The following TMEM164 variants were observed in gnomAD, a reference collection of about 807,000 sequenced individuals.
The protein encoded by TMEM164 is transmembrane protein 164, also known as RP13-360B22.2.
In TMEM164, 4 loss-of-function variants were observed where a neutral mutation model predicts 18.8. The observed-to-expected ratio is 0.21, with a 90% CI of 0.10 to 0.49. The LOEUF (loss-of-function observed/expected upper bound fraction) is 0.49. Among genes scored for constraint, TMEM164 ranks in the 20% least tolerant of loss-of-function variants. The pLI, the probability that TMEM164 is intolerant of heterozygous loss-of-function variation, is 0.98. For missense variants in TMEM164, 108 were observed against 239.9 expected, an observed-to-expected ratio of 0.45 and a Z score of 3.63; for synonymous variants, 86 against 101.7, an observed-to-expected ratio of 0.85 and a Z score of 0.93.
At chrX:110,079,426 A>G (rs1341195409) in intron 3 of TMEM164, among the ~76,000 whole-genome samples, 1 of 112,163 alleles carries the variant, frequency 8.9e-6, no homozygotes, top group Non-Finnish European at 1.9e-5. Flanking sequence ...TTTTGCTTTG[A>G]CCGGACCACT....
intron 3 of TMEM164, among the ~76,000 whole-genome samples, chrX:110,102,186 C>A (rs1436149628): frequency 1.2e-4 from 12 of 104,271 alleles, no homozygotes; most frequent in Non-Finnish European, 2.2e-4. Flanking sequence ...AAAAAAAAAA[C>A]CAACACACCA....
chrX:110,064,042 C>T (rs1046048672), intron 2 of TMEM164, among the ~76,000 whole-genome samples: 1 of 111,338 alleles, frequency 9.0e-6, no homozygotes, highest in Non-Finnish European at 1.9e-5. Flanking sequence ...ACCTTTTCCC[C>T]TCAGTTTCCT....
chrX:110,095,503 TTCTCA>T (rs960818629), intron 3 of TMEM164, among the ~76,000 whole-genome samples: 2 of 112,359 alleles, frequency 1.8e-5, no homozygotes, highest in African/African-American at 6.5e-5. Context: ...TGTCACCTAG[TTCTCA>T]TGTCATGGTT....
intron 3 of TMEM164, among the ~76,000 whole-genome samples, chrX:110,101,754 A>T (rs2066114521): frequency 9.3e-6 from 1 of 107,448 alleles, no homozygotes; most frequent in South Asian, 4.2e-4. Context: ...TAATTTTTTA[A>T]ATTTTTTTTG....
intron 2 of TMEM164, among the ~76,000 whole-genome samples, chrX:110,051,298 G>A (rs1935543052): frequency 9.0e-6 from 1 of 111,359 alleles, no homozygotes; most frequent in Non-Finnish European, 1.9e-5. Flanking sequence ...AGTTGAGTAG[G>A]CATCTTGAGG....
intron 3 of TMEM164, among the ~76,000 whole-genome samples, chrX:110,079,246 C>T (rs890702448): frequency 3.6e-4 from 40 of 111,492 alleles, no homozygotes; most frequent in South Asian, 3.4e-3. Flanking sequence ...AAGTATTCCC[C>T]GGTGAAGCTT....
chrX:110,046,944 C>G (rs1935339386), intron 2 of TMEM164, among the ~76,000 whole-genome samples: 1 of 112,102 alleles, frequency 8.9e-6, no homozygotes. Flanking sequence ...AGGAAAAATG[C>G]TAATTCCTGG....
At chrX:110,147,620 A>G (rs2066876370) in intron 5 of TMEM164, among the ~76,000 whole-genome samples, 1 of 109,296 alleles carries the variant, frequency 9.1e-6, no homozygotes, top group Non-Finnish European at 1.9e-5. Flanking sequence ...TTTTTTTTTC[A>G]TCACCACCAT....
chrX:110,103,136 G>A (rs2147954823), intron 3 of TMEM164, among the ~76,000 whole-genome samples: 1 of 112,639 alleles, frequency 8.9e-6, no homozygotes, highest in South Asian at 3.6e-4. Context: ...GGAAATATTT[G>A]TGTCAGTAAT....
chrX:110,124,184 A>AGGCAGGC (rs1569339696), intron 4 of TMEM164, among the ~76,000 whole-genome samples: 4 of 49,056 alleles, frequency 8.2e-5, no homozygotes, highest in African/African-American at 3.0e-4. Flanking sequence ...GGAAGGCAGG[A>AGGCAGGC]AGGCAGGCAG....
chrX:110,157,959 T>G (rs929170485), intron 5 of TMEM164, among the ~76,000 whole-genome samples: 3 of 111,824 alleles, frequency 2.7e-5, no homozygotes, highest in African/African-American at 9.8e-5. Flanking sequence ...AGATCTTGGC[T>G]CACTGCAACC....
rs762984508 is a variant in TMEM164 at position 110,044,030 on chromosome X, G to A, written c.391-23317G>A. ...CTATTTTGAAGAAGTGATGATAGGT[G>A]GCACATGGGACAAAAAGGTTGAAAA... On this transcript the variant is annotated intron_variant, in intron 2 of 6. Coordinates refer to ENST00000372068, the MANE Select transcript of TMEM164 (RefSeq NM_032227.4). 6.2e-5 allele frequency among the ~76,000 whole-genome samples: 7 copies of A among 112,176 alleles called. No homozygotes were observed. The East Asian group carries it at 2.0e-3, about 31-fold the overall frequency.
chrX:110,085,458 C>T (rs2065838779), intron 3 of TMEM164, among the ~76,000 whole-genome samples: 1 of 110,287 alleles, frequency 9.1e-6, no homozygotes. Flanking sequence ...AGCCACCATG[C>T]CTGGTCAGGT....
intron 2 of TMEM164, among the ~76,000 whole-genome samples, chrX:110,044,790 T>C (rs1004870581): frequency 9.2e-6 from 1 of 108,109 alleles, no homozygotes; most frequent in Non-Finnish European, 1.9e-5. Flanking sequence ...GTTTCTTTGT[T>C]TTCTCCTCTG....
At position 110,119,941 on chromosome X, in the gene TMEM164, T is replaced by A. The variant is rs757926956; in HGVS notation, c.507+10795T>A. Reference sequence around the variant, plus strand: ...CTGCATTAGCCTTGCTGAGTGAGATTAAAATTCCCAGGCAGGCTTTCCTAT... The same window carrying A: ...CTGCATTAGCCTTGCTGAGTGAGATAAAAATTCCCAGGCAGGCTTTCCTAT... On this transcript the variant is annotated intron_variant, in intron 4 of 6. Coordinates refer to ENST00000372068, the MANE Select transcript of TMEM164 (RefSeq NM_032227.4). Among the ~76,000 whole-genome samples the A allele has an allele frequency of 2.6e-4, 29 of 111,973 alleles. No homozygotes were observed. In the South Asian group the frequency reaches 5.2e-3, roughly 20 times the overall value.
intron 5 of TMEM164, among the ~76,000 whole-genome samples, chrX:110,159,103 G>A (rs1369263624): frequency 8.9e-6 from 1 of 111,864 alleles, no homozygotes; most frequent in Non-Finnish European, 1.9e-5. Context: ...CTAATAAAAT[G>A]TGGTTTGAGC....
intron 2 of TMEM164, among the ~76,000 whole-genome samples, chrX:110,066,950 TAA>T (rs1233112947): frequency 8.9e-6 from 1 of 112,002 alleles, no homozygotes; most frequent in Non-Finnish European, 1.9e-5. Flanking sequence ...TTTTATTTGC[TAA>T]ATTTGGCAAT....
chrX:110,095,123 A>T (rs1270403348), intron 3 of TMEM164, among the ~76,000 whole-genome samples: 1 of 111,169 alleles, frequency 9.0e-6, no homozygotes, highest in Non-Finnish European at 1.9e-5. Flanking sequence ...TTTTTCCTTC[A>T]TTTCAACTTT....
intron 2 of TMEM164, among the ~76,000 whole-genome samples, chrX:110,027,793 A>T (rs1934275607): frequency 9.0e-6 from 1 of 111,537 alleles, no homozygotes; most frequent in Non-Finnish European, 1.9e-5. Flanking sequence ...ATAAATAAAT[A>T]AAATAAAATA....
Sources: allele counts gnomAD v4.1 joint callset (sites outside exome capture counted in the v4.1 genomes callset), GRCh38; gene constraint gnomAD v4.1.1; transcripts MANE v1.5; gene names NCBI Gene and HGNC (gene_info 2026-07-23, HGNC 2026-07-21).